ARMC2: variants seen among roughly 807,000 people sequenced by gnomAD.
ARMC2 encodes the protein armadillo repeat-containing protein 2.
Under a neutral mutation model 90.3 loss-of-function variants are expected in ARMC2, and 67 were observed. The observed-to-expected ratio is 0.74, with a 90% CI of 0.61 to 0.91. ARMC2 has a LOEUF of 0.91. Ranked by LOEUF, ARMC2 falls within the 40% of genes least tolerant of loss-of-function variation. The pLI is 0.00. For synonymous variants in ARMC2, 393 were observed against 393.0 expected (o/e 1.00, Z 0.00); for missense variants, 920 against 1,030.9 (o/e 0.89, Z 1.47).
intron 17 of ARMC2, among the ~76,000 whole-genome samples, chr6:108,968,337 T>C (rs10872027): frequency 0.19 from 29,175 of 152,172 alleles, 3,391 homozygotes; most frequent in African/African-American, 0.32. Flanking sequence ...ACAACTAGCC[T>C]TGTGTTTTCC....
In ARMC2 at chr6:108,852,964, A is replaced by T. The variant is rs146108924; in HGVS notation, c.-43-1261A>T. ...TATATATTTTAAATAATTATGATTG[A>T]ATATTCTAAAGTAAAAGCCAATCAT... is the stretch of plus-strand genomic sequence containing the variant. On this transcript the variant is annotated intron_variant, in intron 1 of 17. Transcript: ENST00000392644. Among the ~76,000 whole-genome samples the T allele has an allele frequency of 7.7e-3, 1,179 of 152,302 alleles. 17 individuals carry two copies. The highest frequency in any genetic ancestry group is 0.028 in the African/African-American group (1,151 of 41,574).
intron 3 of ARMC2, among the ~76,000 whole-genome samples, chr6:108,866,974 G>A (rs1385614874): frequency 1.3e-5 from 2 of 151,676 alleles, no homozygotes; most frequent in Non-Finnish European, 2.9e-5. Flanking sequence ...CAAGTGTTTG[G>A]GATTATGCGT....
At chr6:108,860,996 T>C (rs1775178628) in intron 3 of ARMC2, among the ~76,000 whole-genome samples, 1 of 152,160 alleles carries the variant, frequency 6.6e-6, no homozygotes, top group African/African-American at 2.4e-5. Context: ...CTTACAGTAA[T>C]AGTACCCTTA....
intron 8 of ARMC2, 29 bp from the exon 9 acceptor site, chr6:108,910,870 G>A: frequency 8.8e-7 from 1 of 1,134,980 alleles, no homozygotes; most frequent in Non-Finnish European, 1.2e-6. Context: ...ATTTCCTTCT[G>A]CAATAGAGAT....
intron 13 of ARMC2, among the ~76,000 whole-genome samples, chr6:108,957,799 G>A (rs1417169069): frequency 6.6e-6 from 1 of 152,126 alleles, no homozygotes; most frequent in Non-Finnish European, 1.5e-5. Flanking sequence ...TGACTTAGTG[G>A]CAAGTCCAAA....
the ARMC2 span, chr6:108,990,639 A>T: frequency 1.2e-6 from 2 of 1,613,538 alleles, no homozygotes; most frequent in Non-Finnish European, 8.5e-7. Flanking sequence ...CAGAAAGAAG[A>T]CTAACCTTAT....
At chr6:108,993,254 C>T in the ARMC2 span, among the ~76,000 whole-genome samples, 48 of 152,108 alleles carry the variant, frequency 3.2e-4, no homozygotes, top group Non-Finnish European at 5.6e-4. Flanking sequence ...ATCAGCTATG[C>T]TCCAAAATTT....
chr6:108,890,545 C>A (rs1770902372), intron 5 of ARMC2, among the ~76,000 whole-genome samples: 1 of 151,820 alleles, frequency 6.6e-6, no homozygotes, highest in Non-Finnish European at 1.5e-5. Context: ...GTCAACATAG[C>A]AAGCTCCCCA....
chr6:108,933,926 A>G (rs1775773952), intron 11 of ARMC2, among the ~76,000 whole-genome samples: 3 of 152,110 alleles, frequency 2.0e-5, no homozygotes, highest in Admixed American at 2.0e-4. Flanking sequence ...CAGTGGCGTG[A>G]TCTTGGCTCA....
chr6:108,876,775 G>A (rs958696340), intron 5 of ARMC2, among the ~76,000 whole-genome samples: 1 of 152,100 alleles, frequency 6.6e-6, no homozygotes, highest in Non-Finnish European at 1.5e-5. Flanking sequence ...GTAGATCTTG[G>A]ATTAAATATT....
chr6:108,994,671 T>A, the ARMC2 span: 1 of 1,320,714 alleles, frequency 7.6e-7, no homozygotes, highest in South Asian at 1.4e-5. Flanking sequence ...GAATTATCTT[T>A]TAAGTCTGTC....
the ARMC2 span, among the ~76,000 whole-genome samples, chr6:109,027,543 A>G: frequency 7.3e-5 from 11 of 151,646 alleles, no homozygotes; most frequent in South Asian, 1.0e-3. Context: ...AATTTAAAAC[A>G]TTTTAGTCAA....
intron 13 of ARMC2, among the ~76,000 whole-genome samples, chr6:108,961,211 G>A (rs1777978214): frequency 6.6e-6 from 1 of 152,172 alleles, no homozygotes; most frequent in Admixed American, 6.5e-5. Flanking sequence ...GCCCCTGGGA[G>A]AGCCTGAAGA....
At chr6:108,876,401 C>T in intron 5 of ARMC2, 51 bp downstream of exon 5, 1 of 1,524,096 alleles carries the variant, frequency 6.6e-7, no homozygotes, top group Non-Finnish European at 8.9e-7. Context: ...GTATCATTTA[C>T]CAGTTTCTTC....
chr6:108,961,673 A>C lies in ARMC2; in HGVS notation c.2017A>C (p.Lys673Gln), dbSNP rs1317875849. 1 of 1,609,340 alleles carries C rather than the reference A, an allele frequency of 6.2e-7. No homozygotes were observed. Among genetic ancestry groups the C allele is most frequent in the Non-Finnish European group, 8.5e-7 (1 of 1,178,586 alleles). ...AGTGAAGAATTCCATAATTCAAGAC[A>C]AAAAGCTATATATTGCTGAATGTAA... ...YQVKNSIIQD[K>Q]KLYIAELLLK... Residue 673 changes from lysine to glutamine, a missense_variant, in exon 14 of 18, where the codon AAA becomes CAA. Lys to Gln is a moderately conservative substitution (Grantham distance 53). Transcript: ENST00000392644.
the ARMC2 span, chr6:108,987,225 C>CTTATTTAACATAAAAG: frequency 8.8e-6 from 2 of 226,530 alleles, no homozygotes; most frequent in Non-Finnish European, 1.7e-5. Flanking sequence ...TTCTTGTTAT[C>CTTATTTAACATAAAAG]TTATTTAACA....
chr6:109,027,359 C>A, the ARMC2 span, among the ~76,000 whole-genome samples: 1 of 151,406 alleles, frequency 6.6e-6, no homozygotes, highest in African/African-American at 2.4e-5. Flanking sequence ...TGCCTGTAAT[C>A]CCAGCTACTT....
At chr6:108,914,950 AT>A (rs71776577) in intron 10 of ARMC2, among the ~76,000 whole-genome samples, 29,543 of 144,184 alleles carry the variant, frequency 0.2, 2,959 homozygotes, top group Middle Eastern at 0.25. Context: ...CTCAGCAGGC[AT>A]TTTTTTTTTT....
intron 3 of ARMC2, among the ~76,000 whole-genome samples, chr6:108,863,173 C>T (rs1562326562): frequency 6.6e-6 from 1 of 152,154 alleles, no homozygotes; most frequent in Non-Finnish European, 1.5e-5. Context: ...GAGACAGAGT[C>T]TCGCTCTGTC....
Sources: allele counts gnomAD v4.1 joint callset (sites outside exome capture counted in the v4.1 genomes callset), GRCh38; gene constraint gnomAD v4.1.1; transcripts MANE v1.5; gene names NCBI Gene and HGNC (gene_info 2026-07-23, HGNC 2026-07-21).